The following PGD variants were observed in gnomAD, a reference collection of about 807,000 sequenced individuals.
PGD encodes the protein 6-phosphogluconate dehydrogenase, decarboxylating.
Under a neutral mutation model 60.4 loss-of-function variants are expected in PGD, and 21 were observed. The ratio of observed to expected loss-of-function variants is 0.35; its 90% confidence interval spans 0.25 to 0.50. PGD has a LOEUF of 0.50. Among genes scored for constraint, PGD ranks in the 20% least tolerant of loss-of-function variants. The pLI, the probability that PGD is intolerant of heterozygous loss-of-function variation, is 0.98. For synonymous variants in PGD, 230 were observed against 235.9 expected, an observed-to-expected ratio of 0.97 and a Z score of 0.23; for missense variants, 477 against 613.1, an observed-to-expected ratio of 0.78 and a Z score of 2.34.
In PGD at chr1:10,411,559, C is replaced by G; in HGVS notation, c.654+7C>G. Reference sequence around the variant, plus strand: ...GCAGGACGAGATGGCCCAGGTGAGGCCCCGGCACTGCCTCTGTGTCCGTTC... The same window carrying G: ...GCAGGACGAGATGGCCCAGGTGAGGGCCCGGCACTGCCTCTGTGTCCGTTC... On this transcript the variant is annotated splice_region_variant and intron_variant, in intron 7 of 12. Coordinates refer to ENST00000270776, the MANE Select transcript of PGD (RefSeq NM_002631.4). The G allele has an allele frequency of 1.9e-6, 3 of 1,613,720 alleles. No individual in the cohort carries two copies. Among genetic ancestry groups the G allele is most frequent in the Non-Finnish European group, 2.5e-6 (3 of 1,179,790 alleles).
intron 1 of PGD, chr1:10,399,348 TC>T (rs1639269509): frequency 1.8e-6 from 1 of 564,712 alleles, no homozygotes; most frequent in South Asian, 2.4e-5. Flanking sequence ...GCGGGGCGGG[TC>T]CCTTCGAGGG....
In PGD at chr1:10,417,153, C is replaced by T. The variant is rs376438081; in HGVS notation, c.975+36C>T. ...GTCCCTGGCAGTGGTCTTTGTTGGT[C>T]CTGCGGAAGGCAGTGGGGGTGGGGG... is the stretch of plus-strand genomic sequence containing the variant. On this transcript the variant is annotated intron_variant, in intron 9 of 12. Coordinates refer to ENST00000270776, the MANE Select transcript of PGD (RefSeq NM_002631.4). 4.9e-5 allele frequency: 79 copies of T among 1,611,586 alleles called. 1 individual carries two copies. In the African/African-American group the frequency reaches 8.8e-4, roughly 18 times the overall value.
intron 1 of PGD, chr1:10,399,363 G>C (rs1639269766): frequency 1.9e-6 from 1 of 537,180 alleles, no homozygotes; most frequent in South Asian, 2.7e-5. Context: ...TCGAGGGCCA[G>C]GGAGGAGGCG....
chr1:10,410,186 C>T (rs1315579968), intron 6 of PGD, among the ~76,000 whole-genome samples: 1 of 152,076 alleles, frequency 6.6e-6, no homozygotes, highest in Non-Finnish European at 1.5e-5. Context: ...CGTGGTGGCT[C>T]ATGCCTGGAA....
At chr1:10,414,092 A>G (rs1321545824) in intron 8 of PGD, among the ~76,000 whole-genome samples, 1 of 152,168 alleles carries the variant, frequency 6.6e-6, no homozygotes, top group East Asian at 1.9e-4. Flanking sequence ...ATGCTTGTGT[A>G]CTCAGAAATT....
chr1:10,407,973 A>G, intron 5 of PGD, 98 bp from the exon 6 acceptor site: 1 of 742,448 alleles, frequency 1.3e-6, no homozygotes, highest in Non-Finnish European at 2.4e-6. Flanking sequence ...AGAAAGGAAA[A>G]GATAGGGGTT....
Position 10,404,175 on chromosome 1 carries a change from C to A in PGD, c.345C>A (p.Asp115Glu), listed in dbSNP as rs766231633. ...EYRDTTRRCR[D>E]LKAKGILFVG... is the part of the protein sequence containing the mutation. ...CTGTCCTTCAGAGACGGTGCCGAGA[C>A]CTCAAGGCCAAGGGAATTTTATTTG... is the stretch of plus-strand genomic sequence containing the variant. Residue 115 changes from aspartate to glutamate, a missense_variant, in exon 5 of 13, where the codon GAC becomes GAA. Coordinates refer to ENST00000270776, the MANE Select transcript of PGD (RefSeq NM_002631.4). 8 of 1,612,400 alleles carry A rather than the reference C, an allele frequency of 5.0e-6. No individual in the cohort carries two copies. The highest frequency in any genetic ancestry group is 6.8e-6 in the Non-Finnish European group (8 of 1,179,104).
rs1275780538 is a variant in PGD, at chr1:10,400,903, G to A, written c.264+331G>A. On this transcript the variant is annotated intron_variant, in intron 3 of 12. Coordinates refer to ENST00000270776, the MANE Select transcript of PGD (RefSeq NM_002631.4). ...GCCCAGGAGTTCGAGACCAGCCTGG[G>A]CAACATGGCGAAACCCTGTCTCTAC... Among the ~76,000 whole-genome samples, 3 of 151,930 alleles carry A rather than the reference G, an allele frequency of 2.0e-5. No homozygotes were observed. In the East Asian group the frequency reaches 5.8e-4, roughly 29 times the overall value.
chr1:10,418,800 CT>C lies in PGD; in HGVS notation c.1110-20del, dbSNP rs762178188. The C allele has an allele frequency of 1.7e-5, 19 of 1,106,378 alleles. No individual in the cohort carries two copies. The highest frequency in any genetic ancestry group is 2.2e-5 in the Non-Finnish European group (17 of 762,668). The allele number at this position is 1,106,378 out of a possible 1,614,324, so 68.5% of individuals were successfully genotyped here. A position where few individuals can be genotyped will look rare whatever the true frequency, so the allele number is the denominator to read the frequency against. On this transcript the variant is annotated intron_variant, in intron 10 of 12. Transcript: ENST00000270776. ...AAAAAAAAAAAAAAAAGACTCATTGCTTTTTTCCCCCCTTGATTATTTCAGT... is the reference window on the plus strand; with the variant it reads ...AAAAAAAAAAAAAAAAGACTCATTGCTTTTTCCCCCCTTGATTATTTCAGT...
intron 3 of PGD, among the ~76,000 whole-genome samples, chr1:10,401,676 C>G (rs1639318344): frequency 6.6e-6 from 1 of 152,198 alleles, no homozygotes; most frequent in East Asian, 1.9e-4. Context: ...TAGGAAAATA[C>G]TAAGTAATGT....
chr1:10,417,631 C>T (rs1024093645), intron 10 of PGD, 122 bp downstream of exon 10: 9 of 903,602 alleles, frequency 1.0e-5, no homozygotes, highest in Middle Eastern at 4.8e-4. Flanking sequence ...TCACTGGACA[C>T]TGGCACAAGA....
intron 11 of PGD, 39 bp downstream of exon 11, chr1:10,418,964 C>A (rs2124217644): frequency 9.1e-7 from 1 of 1,096,674 alleles, no homozygotes; most frequent in Non-Finnish European, 1.4e-6. Flanking sequence ...TACTCTACCT[C>A]CCTGGGGCCA....
chr1:10,410,166 C>G (rs1257099427), intron 6 of PGD, among the ~76,000 whole-genome samples: 1 of 152,012 alleles, frequency 6.6e-6, no homozygotes, highest in Non-Finnish European at 1.5e-5. Context: ...GAAACATGGA[C>G]AAGGCCAGGC....
At chr1:10,402,027 A>G in intron 3 of PGD, among the ~76,000 whole-genome samples, 1 of 150,272 alleles carries the variant, frequency 6.7e-6, no homozygotes. Context: ...ATAAATAAAT[A>G]AATTAATTAA....
intron 6 of PGD, 51 bp downstream of exon 6, chr1:10,408,191 A>T: frequency 9.8e-7 from 1 of 1,024,936 alleles, no homozygotes; most frequent in Non-Finnish European, 1.6e-6. Context: ...GGCGTGTCTA[A>T]GTGATGAAGT....
chr1:10,399,593 C>T (rs753183015), intron 1 of PGD, 36 bp from the exon 2 acceptor site: 1 of 1,594,554 alleles, frequency 6.3e-7, no homozygotes, highest in Non-Finnish European at 8.6e-7. Flanking sequence ...TCGAGCGGTG[C>T]TGACTCTTTC....
chr1:10,419,601 C>T lies in PGD; in HGVS notation c.1333-29C>T. On this transcript the variant is annotated intron_variant, in intron 12 of 12. Transcript: ENST00000270776. ...CTCGGGGGCGTGCGCCATGGACTGTCCTGACCAACCTACTCTCTCGTTTCC... is the reference window on the plus strand; with the variant it reads ...CTCGGGGGCGTGCGCCATGGACTGTTCTGACCAACCTACTCTCTCGTTTCC... 1.9e-6 allele frequency: 3 copies of T among 1,614,102 alleles called. No homozygotes were observed. The South Asian group carries it at 3.3e-5, about 18-fold the overall frequency.
rs765472756 is a variant in PGD at position 10,416,972 on chromosome 1, G to C, written c.845-15G>C. The C allele has an allele frequency of 1.2e-6, 2 of 1,611,564 alleles. No homozygotes were observed. The highest frequency in any genetic ancestry group is 2.2e-5 in the South Asian group (2 of 90,990). The stretch of plus-strand genomic sequence containing the variant: ...TGACAGTAATCTGTTTCCTCTTCCC[G>C]ATCTCCCCATGTAGGAGAAGCTGTC... On this transcript the variant is annotated splice_polypyrimidine_tract_variant and intron_variant, in intron 8 of 12. Transcript: ENST00000270776.
At chr1:10,416,901 A>T in intron 8 of PGD, 86 bp from the exon 9 acceptor site, 1 of 1,318,290 alleles carries the variant, frequency 7.6e-7, no homozygotes, top group Non-Finnish European at 1.1e-6. Flanking sequence ...GGATGTATAC[A>T]TGCAGGTCAC....
Sources: allele counts gnomAD v4.1 joint callset (sites outside exome capture counted in the v4.1 genomes callset), GRCh38; gene constraint gnomAD v4.1.1; transcripts MANE v1.5; gene names NCBI Gene and HGNC (gene_info 2026-07-23, HGNC 2026-07-21).